The following SLC4A10 variants were observed in gnomAD, a reference collection of about 807,000 sequenced individuals.
SLC4A10 encodes solute carrier family 4 member 10.
In SLC4A10, 42 loss-of-function variants were observed where a neutral mutation model predicts 137.7. The ratio of observed to expected loss-of-function variants is 0.30; its 90% confidence interval spans 0.24 to 0.39. The LOEUF (loss-of-function observed/expected upper bound fraction) is 0.39. Ranked by LOEUF, SLC4A10 falls within the 10% of genes least tolerant of loss-of-function variation. SLC4A10 has a pLI of 1.00. For synonymous variants in SLC4A10, 474 were observed against 464.1 expected, an observed-to-expected ratio of 1.02 and a Z score of -0.27; for missense variants, 925 against 1,355.0, an observed-to-expected ratio of 0.68 and a Z score of 4.98.
At chr2:161,638,700 A>G (rs919744142) in intron 1 of SLC4A10, among the ~76,000 whole-genome samples, 4 of 152,030 alleles carry the variant, frequency 2.6e-5, no homozygotes, top group Non-Finnish European at 4.4e-5. Flanking sequence ...AATTCTGTAG[A>G]TTGCTTTGAG....
At chr2:161,653,897 C>T (rs1431838603) in intron 1 of SLC4A10, among the ~76,000 whole-genome samples, 1 of 152,152 alleles carries the variant, frequency 6.6e-6, no homozygotes, top group African/African-American at 2.4e-5. Flanking sequence ...GATTTCATTT[C>T]CTTTGGATAC....
At chr2:161,934,283 C>T (rs116134317) in intron 15 of SLC4A10, among the ~76,000 whole-genome samples, 7,767 of 152,096 alleles carry the variant, frequency 0.051, 303 homozygotes, top group African/African-American at 0.11. Flanking sequence ...TATTTTTGTA[C>T]CCATTAACCA....
chr2:161,873,674 A>G (rs2061286910), intron 7 of SLC4A10: 1 of 379,698 alleles, frequency 2.6e-6, no homozygotes, highest in African/African-American at 2.0e-5. Context: ...TAAAGCCCTT[A>G]GCACTGGCAA....
At chr2:161,911,436 G>C (rs997133365) in intron 15 of SLC4A10, among the ~76,000 whole-genome samples, 1 of 151,934 alleles carries the variant, frequency 6.6e-6, no homozygotes, top group Admixed American at 6.6e-5. Context: ...TGATAGATGT[G>C]GGGAGAAACA....
chr2:161,637,338 A>G (rs934130475), intron 1 of SLC4A10, among the ~76,000 whole-genome samples: 3 of 151,638 alleles, frequency 2.0e-5, no homozygotes, highest in African/African-American at 7.3e-5. Flanking sequence ...AGCTGGGACT[A>G]CAGGTGCCTG....
At chr2:161,903,485 T>G (rs1304549818) in intron 12 of SLC4A10, among the ~76,000 whole-genome samples, 1 of 152,174 alleles carries the variant, frequency 6.6e-6, no homozygotes, top group Non-Finnish European at 1.5e-5. Context: ...TGTTTGTTTG[T>G]TTTTTGGCCG....
At chr2:161,915,046 A>G (rs1450225845) in intron 15 of SLC4A10, among the ~76,000 whole-genome samples, 1 of 152,068 alleles carries the variant, frequency 6.6e-6, no homozygotes, top group African/African-American at 2.4e-5. Context: ...TGCCTTTTCC[A>G]AAACTACCTA....
chr2:161,702,149 T>C (rs2043188008), intron 1 of SLC4A10, among the ~76,000 whole-genome samples: 1 of 151,886 alleles, frequency 6.6e-6, no homozygotes, highest in Non-Finnish European at 1.5e-5. Context: ...GGAATCAACC[T>C]AAGTGTCCAA....
intron 1 of SLC4A10, among the ~76,000 whole-genome samples, chr2:161,653,243 T>C (rs1558951666): frequency 6.6e-6 from 1 of 152,208 alleles, no homozygotes; most frequent in Admixed American, 6.5e-5. Flanking sequence ...CTTTATCCAA[T>C]CTATCATTGA....
chr2:161,654,706 G>C (rs2037274881), intron 1 of SLC4A10, among the ~76,000 whole-genome samples: 2 of 151,962 alleles, frequency 1.3e-5, no homozygotes, highest in Admixed American at 6.6e-5. Context: ...GTTTATTTCT[G>C]GGCTCTCTAT....
At chr2:161,811,409 G>A (rs1191996665) in intron 3 of SLC4A10, among the ~76,000 whole-genome samples, 2 of 151,628 alleles carry the variant, frequency 1.3e-5, no homozygotes, top group African/African-American at 4.8e-5. Flanking sequence ...AGCTTTTAAA[G>A]CCATACTTAT....
intron 2 of SLC4A10, among the ~76,000 whole-genome samples, chr2:161,782,614 A>G (rs1004435144): frequency 6.6e-6 from 1 of 151,456 alleles, no homozygotes; most frequent in Non-Finnish European, 1.5e-5. Context: ...CGTTGCATGA[A>G]CAAAGTGAGA....
chr2:161,849,378 T>G (rs1034277569), intron 4 of SLC4A10, among the ~76,000 whole-genome samples: 3 of 152,162 alleles, frequency 2.0e-5, no homozygotes, highest in Non-Finnish European at 4.4e-5. Flanking sequence ...TTTCTCTATC[T>G]GGATGGCTTT....
chr2:161,801,849 CT>C (rs2055400370), intron 2 of SLC4A10, among the ~76,000 whole-genome samples: 1 of 151,938 alleles, frequency 6.6e-6, no homozygotes, highest in South Asian at 2.1e-4. Flanking sequence ...AGATAAAGTA[CT>C]TTTTTTAAAG....
At chr2:161,708,196 C>G (rs562767666) in intron 1 of SLC4A10, among the ~76,000 whole-genome samples, 30 of 151,572 alleles carry the variant, frequency 2.0e-4, no homozygotes, top group South Asian at 1.7e-3. Flanking sequence ...AGGCACTCAT[C>G]ATTTTGATGG....
intron 3 of SLC4A10, among the ~76,000 whole-genome samples, chr2:161,838,168 T>C (rs1047882183): frequency 6.6e-6 from 1 of 152,228 alleles, no homozygotes; most frequent in African/African-American, 2.4e-5. Flanking sequence ...ATATAACTAA[T>C]TGATTTTTGA....
At chr2:161,930,839 A>C (rs1002032070) in intron 15 of SLC4A10, among the ~76,000 whole-genome samples, 5 of 152,188 alleles carry the variant, frequency 3.3e-5, no homozygotes, top group Non-Finnish European at 5.9e-5. Context: ...CTGCCCTTCC[A>C]GCAAAGTTGA....
chr2:161,863,530 G>A (rs771038211), intron 6 of SLC4A10, among the ~76,000 whole-genome samples: 9 of 152,162 alleles, frequency 5.9e-5, no homozygotes, highest in Non-Finnish European at 1.5e-5. Flanking sequence ...TAGAGAAAAT[G>A]ATTGAAAAGA....
At chr2:161,866,181 C>T (rs200813306) in intron 6 of SLC4A10, among the ~76,000 whole-genome samples, 1 of 151,982 alleles carries the variant, frequency 6.6e-6, no homozygotes, top group East Asian at 1.9e-4. Flanking sequence ...CCTTAATTGA[C>T]TTGTGTCTTG....
Sources: gnomAD v4.1 joint callset for allele counts (sites outside exome capture counted in the v4.1 genomes callset) on GRCh38, gnomAD v4.1.1 for gene constraint, MANE v1.5 for transcripts, NCBI Gene and HGNC (gene_info 2026-07-23, HGNC 2026-07-21) for gene names.